DPP6: variants seen among roughly 807,000 people sequenced by gnomAD.
DPP6 encodes dipeptidyl peptidase like 6.
In DPP6, 69 loss-of-function variants were observed where a neutral mutation model predicts 122.6. The observed-to-expected ratio is 0.56, with a 90% CI of 0.46 to 0.69. DPP6 has a LOEUF of 0.69. Ranked by LOEUF, DPP6 falls within the 30% of genes least tolerant of loss-of-function variation. DPP6 has a pLI of 0.00. For synonymous variants in DPP6, 418 were observed against 433.1 expected (o/e 0.97, Z 0.43); for missense variants, 928 against 1,116.9 (o/e 0.83, Z 2.41).
chr7:153,870,730 T>C, the DPP6 span, among the ~76,000 whole-genome samples: 1 of 152,316 alleles, frequency 6.6e-6, no homozygotes, highest in Admixed American at 6.5e-5. Flanking sequence ...GGCTCTCTGA[T>C]TTTTAGAGTT....
chr7:154,722,020 A>G (rs1309835456), intron 7 of DPP6, among the ~76,000 whole-genome samples: 3 of 148,890 alleles, frequency 2.0e-5, no homozygotes, highest in South Asian at 4.2e-4. Flanking sequence ...AAAAAAAAAG[A>G]TACAGATAGA....
the DPP6 span, among the ~76,000 whole-genome samples, chr7:153,756,493 C>G: frequency 5.3e-5 from 8 of 152,160 alleles, no homozygotes; most frequent in African/African-American, 1.7e-4. Context: ...AGGGCCACAT[C>G]TGATAGACAC....
intron 1 of DPP6, among the ~76,000 whole-genome samples, chr7:154,385,724 A>G (rs560071443): frequency 1.0e-3 from 158 of 152,302 alleles, no homozygotes; most frequent in African/African-American, 3.5e-3. Context: ...GTACGGATGA[A>G]TTCCTCAAAA....
intron 13 of DPP6, among the ~76,000 whole-genome samples, chr7:154,803,244 A>G (rs1306472890): frequency 6.6e-6 from 1 of 152,144 alleles, no homozygotes; most frequent in Admixed American, 6.5e-5. Flanking sequence ...CCACTGAAAC[A>G]TCGCTCCCGC....
chr7:153,949,256 T>G (rs934153586), intron 1 of DPP6, among the ~76,000 whole-genome samples: 2 of 152,186 alleles, frequency 1.3e-5, no homozygotes, highest in Non-Finnish European at 2.9e-5. Context: ...TCCTTTACTC[T>G]GAGAAGGAGA....
At chr7:154,032,791 T>C (rs1799310186) in intron 1 of DPP6, among the ~76,000 whole-genome samples, 1 of 151,918 alleles carries the variant, frequency 6.6e-6, no homozygotes, top group Non-Finnish European at 1.5e-5. Context: ...GAACCTTTTC[T>C]AAATTTTAGG....
rs201387703 is a variant in DPP6 at position 154,623,643 on chromosome 7, G to A, written c.628-14178G>A. ...CACGCGCACACATGCGTGCACACAC[G>A]CGCACACACGCGCACACACACGCAC... is the stretch of plus-strand genomic sequence containing the variant. On this transcript the variant is annotated intron_variant, in intron 5 of 25. Coordinates refer to ENST00000377770, the MANE Select transcript of DPP6 (RefSeq NM_130797.4). 1.0e-3 allele frequency among the ~76,000 whole-genome samples: 60 copies of A among 59,700 alleles called. 1 individual carries two copies. The South Asian group carries it at 0.027, about 27-fold the overall frequency. The allele number at this position is 59,700 out of a possible 152,430, so 39.2% of individuals were successfully genotyped here.
At chr7:154,698,395 T>G (rs1840335758) in intron 7 of DPP6, among the ~76,000 whole-genome samples, 1 of 152,206 alleles carries the variant, frequency 6.6e-6, no homozygotes, top group Admixed American at 6.5e-5. Flanking sequence ...GAACACTTTT[T>G]TATATACACT....
intron 7 of DPP6, 122 bp from the exon 8 acceptor site, chr7:154,727,645 T>C (rs113847383): frequency 2.2e-6 from 3 of 1,350,892 alleles, no homozygotes; most frequent in Admixed American, 2.6e-5. Flanking sequence ...ACTGCCTTTG[T>C]TCTGTCTAAT....
chr7:154,385,649 C>A (rs565336155), intron 1 of DPP6, among the ~76,000 whole-genome samples: 1 of 152,328 alleles, frequency 6.6e-6, no homozygotes, highest in Non-Finnish European at 1.5e-5. Flanking sequence ...CATGACACTT[C>A]CAGCAATGTA....
At chr7:154,573,528 C>A (rs1417386233) in intron 5 of DPP6, among the ~76,000 whole-genome samples, 3 of 152,162 alleles carry the variant, frequency 2.0e-5, no homozygotes, top group Admixed American at 6.5e-5. Flanking sequence ...CACTCCAAGC[C>A]CTTTTATCCC....
Position 154,052,817 on chromosome 7 carries a change from C to T in DPP6, c.-4C>T, listed in dbSNP as rs1045186750. Reference sequence around the variant, plus strand: ...AAAGACAGCCAGCAGGAGCGCGGTGCCCGATGGCTTCGCTGTACCAGAGGT... The same window carrying T: ...AAAGACAGCCAGCAGGAGCGCGGTGTCCGATGGCTTCGCTGTACCAGAGGT... On this transcript the variant is annotated 5_prime_UTR_variant, in exon 1 of 26. Transcript: ENST00000377770. The surrounding 1 kb of genome is among the most constrained non-coding windows in gnomAD (Gnocchi z 4.8). The T allele has an allele frequency of 1.8e-5, 28 of 1,521,974 alleles. No individual in the cohort carries two copies. Among genetic ancestry groups the T allele is most frequent in the Non-Finnish European group, 2.1e-5 (24 of 1,133,632 alleles). The allele number at this position is 1,521,974 out of a possible 1,614,324, so 94.3% of individuals were successfully genotyped here.
intron 1 of DPP6, among the ~76,000 whole-genome samples, chr7:154,394,561 T>G (rs1262969713): frequency 6.6e-6 from 1 of 152,288 alleles, no homozygotes; most frequent in East Asian, 1.9e-4. Context: ...ATTAATATTG[T>G]CTTTTATGCA....
intron 2 of DPP6, among the ~76,000 whole-genome samples, chr7:154,454,234 G>C (rs1050824340): frequency 6.6e-6 from 1 of 152,158 alleles, no homozygotes; most frequent in Non-Finnish European, 1.5e-5. Flanking sequence ...GGGCTCCTCC[G>C]TGCCTGCTCA....
At chr7:153,950,631 G>A (rs912430228) in intron 1 of DPP6, among the ~76,000 whole-genome samples, 2 of 152,226 alleles carry the variant, frequency 1.3e-5, no homozygotes, top group Admixed American at 1.3e-4. Flanking sequence ...CCCTTAGGCG[G>A]TGGACTCAGA....
At chr7:154,743,669 C>T (rs1010711439) in intron 8 of DPP6, among the ~76,000 whole-genome samples, 4 of 151,348 alleles carry the variant, frequency 2.6e-5, no homozygotes, top group Non-Finnish European at 4.4e-5. Context: ...TTGGTATATA[C>T]GCAGGGGATT....
At chr7:154,748,375 C>T (rs891650775) in intron 8 of DPP6, among the ~76,000 whole-genome samples, 9 of 152,174 alleles carry the variant, frequency 5.9e-5, no homozygotes, top group East Asian at 3.9e-4. Context: ...CGGGGGTCTC[C>T]GGGTCTGGGC....
intron 3 of DPP6, among the ~76,000 whole-genome samples, chr7:154,504,538 G>T (rs886557305): frequency 6.6e-6 from 1 of 152,120 alleles, no homozygotes; most frequent in African/African-American, 2.4e-5. Context: ...AGAGATGTGA[G>T]TACAAGAATA....
chr7:154,322,336 C>A (rs981858492), intron 1 of DPP6, among the ~76,000 whole-genome samples: 8 of 152,268 alleles, frequency 5.3e-5, no homozygotes, highest in African/African-American at 1.9e-4. Context: ...CTTATTTGGG[C>A]AAAATAAGCT....
Sources: allele counts gnomAD v4.1 joint callset (sites outside exome capture counted in the v4.1 genomes callset), GRCh38; gene constraint gnomAD v4.1.1; non-coding constraint Gnocchi (gnomAD v3.1); transcripts MANE v1.5; gene names NCBI Gene and HGNC (gene_info 2026-07-23, HGNC 2026-07-21).